Variants in TGFBR1 observed in about 807,000 individuals in gnomAD.
TGFBR1 encodes the protein TGF-beta receptor type-1.
TGFBR1 carries 20 observed loss-of-function variants against 55.1 expected under a neutral mutation model. That is an observed-to-expected ratio of 0.36 (90% confidence interval 0.26 to 0.53). TGFBR1 has a LOEUF of 0.53. TGFBR1 is among the 20% of genes least tolerant of loss of function. TGFBR1 has a pLI of 0.91. For synonymous variants in TGFBR1, 220 were observed against 214.8 expected, an observed-to-expected ratio of 1.02 and a Z score of -0.21; for missense variants, 385 against 617.6, an observed-to-expected ratio of 0.62 and a Z score of 3.99.
At chr9:99,116,175 TA>T (rs33959088) in intron 1 of TGFBR1, among the ~76,000 whole-genome samples, 31,611 of 141,220 alleles carry the variant, frequency 0.22, 3,686 homozygotes, top group African/African-American at 0.32. Context: ...ACTTTATTCT[TA>T]AAAAAAAAAA....
At chr9:99,127,501 AAT>A (rs1273663902) in intron 1 of TGFBR1, among the ~76,000 whole-genome samples, 1 of 152,336 alleles carries the variant, frequency 6.6e-6, no homozygotes, top group African/African-American at 2.4e-5. Flanking sequence ...TATCAGGGAG[AAT>A]ATTCCAAAGG....
intron 1 of TGFBR1, among the ~76,000 whole-genome samples, chr9:99,115,410 C>T (rs1285326857): frequency 6.6e-6 from 1 of 152,166 alleles, no homozygotes; most frequent in Non-Finnish European, 1.5e-5. Flanking sequence ...TTATAAGATT[C>T]TTAAATATGC....
intron 3 of TGFBR1, among the ~76,000 whole-genome samples, chr9:99,137,389 TCCTCTTTTA>T (rs755578362): frequency 1.6e-4 from 24 of 152,212 alleles, no homozygotes; most frequent in Non-Finnish European, 2.6e-4. Context: ...CTTTAAAGGT[TCCTCTTTTA>T]CCTAAAGCTC....
At chr9:99,116,379 A>G (rs550918298) in intron 1 of TGFBR1, among the ~76,000 whole-genome samples, 3 of 152,318 alleles carry the variant, frequency 2.0e-5, no homozygotes, top group African/African-American at 2.4e-5. Context: ...CATTGCAAAC[A>G]GATGGTGTGT....
intron 1 of TGFBR1, among the ~76,000 whole-genome samples, chr9:99,126,639 A>G (rs989790795): frequency 6.6e-6 from 1 of 152,210 alleles, no homozygotes. Context: ...AAATGTAAAT[A>G]CATATAACAT....
chr9:99,105,178 C>A lies in TGFBR1; in HGVS notation c.-28C>A. 1 of 1,086,430 alleles carries A rather than the reference C, an allele frequency of 9.2e-7. No homozygotes were observed. The highest frequency in any genetic ancestry group is 1.1e-6 in the Non-Finnish European group (1 of 895,490). The allele number at this position is 1,086,430 out of a possible 1,614,324, so 67.3% of individuals were successfully genotyped here. A position where few individuals can be genotyped will look rare whatever the true frequency, so the allele number is the denominator to read the frequency against. On this transcript the variant is annotated 5_prime_UTR_variant, in exon 1 of 9. Coordinates refer to ENST00000374994, the MANE Select transcript of TGFBR1 (RefSeq NM_004612.4). ...GAGGCAGCGGCGCGGCCGGGCCGGG[C>A]CGGGCCACAGGCGGTGGCGGCGGGA...
intron 1 of TGFBR1, among the ~76,000 whole-genome samples, chr9:99,112,177 AGGGT>A (rs1216544224): frequency 6.6e-6 from 1 of 152,224 alleles, no homozygotes; most frequent in Non-Finnish European, 1.5e-5. Context: ...GGAATGGATC[AGGGT>A]GGCTACCCAG....
At chr9:99,137,464 T>C (rs1209003332) in intron 3 of TGFBR1, among the ~76,000 whole-genome samples, 1 of 152,196 alleles carries the variant, frequency 6.6e-6, no homozygotes, top group Non-Finnish European at 1.5e-5. Context: ...GGTGACAGCT[T>C]ACTTTCTCTT....
At chr9:99,105,957 G>A (rs1826401772) in intron 1 of TGFBR1, among the ~76,000 whole-genome samples, 1 of 152,258 alleles carries the variant, frequency 6.6e-6, no homozygotes, top group Non-Finnish European at 1.5e-5. Context: ...CCAGCCAGGG[G>A]GGCTTTGTGT....
intron 2 of TGFBR1, among the ~76,000 whole-genome samples, chr9:99,131,629 ACT>A (rs1170510694): frequency 7.0e-6 from 1 of 142,158 alleles, no homozygotes; most frequent in Non-Finnish European, 1.5e-5. Context: ...ATATATGCAA[ACT>A]CTGTTAAAAA....
At chr9:99,124,654 T>A (rs1430984115) in intron 1 of TGFBR1, among the ~76,000 whole-genome samples, 5 of 152,280 alleles carry the variant, frequency 3.3e-5, no homozygotes, top group Admixed American at 3.3e-4. Context: ...CCCTAAACGA[T>A]CTTGCCGTAT....
At chr9:99,124,950 C>T (rs1826996916) in intron 1 of TGFBR1, among the ~76,000 whole-genome samples, 1 of 151,628 alleles carries the variant, frequency 6.6e-6, no homozygotes, top group African/African-American at 2.4e-5. Context: ...GATATAAAAC[C>T]CTTATGTTCT....
At chr9:99,112,537 G>A (rs1588561647) in intron 1 of TGFBR1, among the ~76,000 whole-genome samples, 1 of 152,288 alleles carries the variant, frequency 6.6e-6, no homozygotes, top group East Asian at 1.9e-4. Context: ...CTTTGTGAAA[G>A]TGGATGTCTT....
chr9:99,111,113 G>C (rs555860925), intron 1 of TGFBR1, among the ~76,000 whole-genome samples: 1 of 152,096 alleles, frequency 6.6e-6, no homozygotes, highest in East Asian at 1.9e-4. Flanking sequence ...TAGGTAATTT[G>C]AATCTTCCTG....
rs561572489 is a variant in TGFBR1 at position 99,154,098 on chromosome 9, AT to A, written c.*4804del. ...TTCAATTTGAAGGCTGGATTTAGGGATTTTTTTTTTTCCTTATAACAAAGAC... is the reference window on the plus strand; with the variant it reads ...TTCAATTTGAAGGCTGGATTTAGGGATTTTTTTTTTCCTTATAACAAAGAC... On this transcript the variant is annotated 3_prime_UTR_variant, in exon 9 of 9. Transcript: ENST00000374994. 0.041 allele frequency: 7,988 copies of A among 195,430 alleles called. 91 individuals carry two copies. Among genetic ancestry groups the A allele is most frequent in the African/African-American group, 0.072 (3,095 of 43,232 alleles). 12.1% of individuals were successfully genotyped at this position (195,430 alleles called of 1,614,324 possible). A position where few individuals can be genotyped will look rare whatever the true frequency, so the allele number is the denominator to read the frequency against.
In TGFBR1 at chr9:99,120,425, T is replaced by C. The variant is rs557779612; in HGVS notation, c.98-8430T>C. ...TCAGGGCCTGGGGTAAGGCAAAGTG[T>C]GCACATCTGCTCTGTATATTAAAAT... On this transcript the variant is annotated intron_variant, in intron 1 of 8. Coordinates refer to ENST00000374994, the MANE Select transcript of TGFBR1 (RefSeq NM_004612.4). Among the ~76,000 whole-genome samples the C allele has an allele frequency of 1.4e-4, 22 of 152,334 alleles. No individual in the cohort carries two copies. The South Asian group carries it at 2.1e-3, about 14-fold the overall frequency.
intron 1 of TGFBR1, among the ~76,000 whole-genome samples, chr9:99,117,195 C>A (rs887486108): frequency 3.6e-4 from 55 of 151,904 alleles, no homozygotes; most frequent in African/African-American, 1.3e-3. Context: ...TCAAGTGATT[C>A]TCCTGTCTCA....
intron 3 of TGFBR1, among the ~76,000 whole-genome samples, chr9:99,134,802 T>A (rs569014463): frequency 3.4e-4 from 14 of 41,382 alleles, no homozygotes; most frequent in South Asian, 8.2e-4. Flanking sequence ...TCTGTTTCCA[T>A]TATATATATA....
At position 99,132,632 on chromosome 9, in the gene TGFBR1, A is replaced by G. The variant is rs1827275427; in HGVS notation, c.467A>G (p.His156Arg). Residue 156 changes from histidine (H) to arginine (R), a missense_variant, in exon 3 of 9, where the codon CAT becomes CGT. Coordinates refer to ENST00000374994, the MANE Select transcript of TGFBR1 (RefSeq NM_004612.4). ...TGCCACAACCGCACTGTCATTCACCATCGAGTGCCAAATGAAGAGGACCCT... is the reference window on the plus strand; with the variant it reads ...TGCCACAACCGCACTGTCATTCACCGTCGAGTGCCAAATGAAGAGGACCCT... ...YICHNRTVIH[H>R]RVPNEEDPSL... The G allele has an allele frequency of 1.2e-6, 2 of 1,614,050 alleles. No individual in the cohort carries two copies. The highest frequency in any genetic ancestry group is 1.3e-5 in the African/African-American group (1 of 74,928).
Sources: gnomAD v4.1 joint callset for allele counts (sites outside exome capture counted in the v4.1 genomes callset) on GRCh38, gnomAD v4.1.1 for gene constraint, MANE v1.5 for transcripts, NCBI Gene and HGNC (gene_info 2026-07-23, HGNC 2026-07-21) for gene names.